The following LRRC25 variants were observed in gnomAD, a reference collection of about 807,000 sequenced individuals.
LRRC25 encodes leucine rich repeat containing 25, also known as leucine-rich repeat-containing protein 25.
A neutral mutation model predicts 18.8 loss-of-function variants in LRRC25; 5 were observed. That is an observed-to-expected ratio of 0.27 (90% confidence interval 0.14 to 0.56). The LOEUF is 0.56. LRRC25 is among the 20% of genes least tolerant of loss of function. LRRC25 has a pLI of 0.93. For synonymous variants in LRRC25, 161 were observed against 176.8 expected, an observed-to-expected ratio of 0.91 and a Z score of 0.71; for missense variants, 341 against 389.8, an observed-to-expected ratio of 0.87 and a Z score of 1.05.
Position 18,396,782 on chromosome 19 carries a change from C to T in LRRC25, c.182G>A (p.Ser61Asn). The T allele has an allele frequency of 6.2e-7, 1 of 1,614,164 alleles. No individual in the cohort carries two copies. The highest frequency in any genetic ancestry group is 8.5e-7 in the Non-Finnish European group (1 of 1,180,040). The part of the protein sequence containing the change: ...SLPHNQSLRA[S>N]NVILLDLSGN... ...AGACAGGTCAAGGAGAATCACGTTG[C>T]TGGCCCGCAGAGACTGGTTGTGAGG... Residue 61 changes from serine to asparagine, a missense_variant, in exon 1 of 2, where the codon AGC becomes AAC. Coordinates refer to ENST00000339007, the MANE Select transcript of LRRC25 (RefSeq NM_145256.3).
chr19:18,391,839 G>T lies in LRRC25; in HGVS notation c.*148C>A, dbSNP rs1971903306. The T allele has an allele frequency of 1.1e-6, 1 of 909,778 alleles. No individual in the cohort carries two copies. The allele number at this position is 909,778 out of a possible 1,614,324, so 56.4% of individuals were successfully genotyped here. A position where few individuals can be genotyped will look rare whatever the true frequency, so the allele number is the denominator to read the frequency against. On this transcript the variant is annotated 3_prime_UTR_variant, in exon 2 of 2. Transcript: ENST00000339007. ...GAGCGGCATGAGGGACAGGGAGGGGGCGGCAGAGCTTCCTGGGGCCTCAAG... is the reference window on the plus strand; with the variant it reads ...GAGCGGCATGAGGGACAGGGAGGGGTCGGCAGAGCTTCCTGGGGCCTCAAG...
chr19:18,396,093 T>C (rs1776464037), intron 1 of LRRC25, 92 bp downstream of exon 1: 2 of 1,463,824 alleles, frequency 1.4e-6, no homozygotes, highest in Non-Finnish European at 1.8e-6. Flanking sequence ...CCCACAGCCT[T>C]CAAGCGGCAG....
intron 1 of LRRC25, among the ~76,000 whole-genome samples, chr19:18,395,504 C>G (rs1239780500): frequency 6.6e-6 from 1 of 152,024 alleles, no homozygotes. Flanking sequence ...TCAGAGACAG[C>G]CTTGGGTCAC....
chr19:18,394,308 C>CT (rs34809770), intron 1 of LRRC25, among the ~76,000 whole-genome samples: 8,078 of 125,394 alleles, frequency 0.064, 631 homozygotes, highest in African/African-American at 0.2. Context: ...TTCTTTCTTT[C>CT]TTTTTTTTTT....
intron 1 of LRRC25, among the ~76,000 whole-genome samples, chr19:18,393,126 C>T (rs112839104): frequency 1.2e-4 from 19 of 152,242 alleles, no homozygotes; most frequent in East Asian, 1.9e-4. Context: ...GTGCTCCTTC[C>T]GATGGGAAAT....
At chr19:18,392,200 A>G in intron 1 of LRRC25, 75 bp from the exon 2 acceptor site, 5 of 1,517,476 alleles carry the variant, frequency 3.3e-6, no homozygotes. Context: ...GCTTTGAGAA[A>G]GTCCAGAGTG....
rs753862602 is a variant in LRRC25, at chr19:18,396,346, A to T, written c.618T>A (p.Ala206=). The T allele has an allele frequency of 1.2e-5, 20 of 1,613,762 alleles. No individual in the cohort carries two copies. Among genetic ancestry groups the T allele is most frequent in the Non-Finnish European group, 1.7e-5 (20 of 1,180,008 alleles). The change falls in exon 1 of 2, where the codon GCT becomes GCA. Residue 206 remains alanine, a synonymous_variant. Transcript: ENST00000339007. The part of the protein sequence containing the change: ...ARSRELNKPW[A]AQDGPKPGLG... ...AACCGGGCTTGGGCCCATCCTGAGC[A>T]GCCCAGGGTTTGTTCAGCTCCCGGC...
In LRRC25 at chr19:18,396,814, C is replaced by T; in HGVS notation, c.150G>A (p.Leu50=). ...ATCLNFSGLS[L]SLPHNQSLRA... The stretch of plus-strand genomic sequence containing the variant: ...GCAGAGACTGGTTGTGAGGCAGGCT[C>T]AGGCTGAGGCCACTGAAATTCAGGC... The change falls in exon 1 of 2, where the codon CTG becomes CTA. Residue 50 remains leucine (L), a synonymous_variant. Transcript: ENST00000339007. 6.2e-7 allele frequency: 1 copy of T among 1,614,086 alleles called. No homozygotes were observed. The highest frequency in any genetic ancestry group is 8.5e-7 in the Non-Finnish European group (1 of 1,180,038).
intron 1 of LRRC25, among the ~76,000 whole-genome samples, chr19:18,395,275 G>A (rs942566948): frequency 9.9e-5 from 15 of 151,750 alleles, no homozygotes; most frequent in Non-Finnish European, 2.1e-4. Context: ...GGAGGCTGAG[G>A]CAGGAGAATG....
chr19:18,391,907 G>C lies in LRRC25; in HGVS notation c.*80C>G. The stretch of plus-strand genomic sequence containing the variant: ...CCCATTCTTCAGATGGGGAAACTGA[G>C]GCCATGGAGGCGTTAGGACGCCCTG... On this transcript the variant is annotated 3_prime_UTR_variant, in exon 2 of 2. Transcript: ENST00000339007. 6.7e-7 allele frequency: 1 copy of C among 1,499,540 alleles called. No individual in the cohort carries two copies. The highest frequency in any genetic ancestry group is 9.1e-7 in the Non-Finnish European group (1 of 1,100,884). The allele number at this position is 1,499,540 out of a possible 1,614,324, so 92.9% of individuals were successfully genotyped here. A position where few individuals can be genotyped will look rare whatever the true frequency, so the allele number is the denominator to read the frequency against.
At chr19:18,394,846 G>A (rs1287968350) in intron 1 of LRRC25, among the ~76,000 whole-genome samples, 1 of 152,192 alleles carries the variant, frequency 6.6e-6, no homozygotes, top group Non-Finnish European at 1.5e-5. Flanking sequence ...GGGAGGCTAA[G>A]ACATGAGGAT....
chr19:18,396,604 C>T lies in LRRC25; in HGVS notation c.360G>A (p.Leu120=). 6.2e-7 allele frequency: 1 copy of T among 1,613,970 alleles called. No individual in the cohort carries two copies. Among genetic ancestry groups the T allele is most frequent in the South Asian group, 1.1e-5 (1 of 91,084 alleles). ...CTCGGCGGATGTCGTGCCAGGACTC[C>T]AGGGCACAGTTGCAGTCGGCCTGCA... ...LDLQADCNCA[L]ESWHDIRRDN... is the part of the protein sequence containing the mutation. Residue 120 remains leucine, a synonymous_variant, in exon 1 of 2, where the codon CTG becomes CTA. Coordinates refer to ENST00000339007, the MANE Select transcript of LRRC25 (RefSeq NM_145256.3).
chr19:18,397,622 CA>C (rs1568334208), upstream of LRRC25: 1 of 152,870 alleles, frequency 6.5e-6, no homozygotes, highest in African/African-American at 2.4e-5. Flanking sequence ...CCCAGCGACT[CA>C]GGGGGAAGAG....
chr19:18,396,972 C>T lies in LRRC25; in HGVS notation c.-9G>A, dbSNP rs1305390307. 6.2e-7 allele frequency: 1 copy of T among 1,600,512 alleles called. No homozygotes were observed. Among genetic ancestry groups the T allele is most frequent in the Non-Finnish European group, 8.5e-7 (1 of 1,174,316 alleles). ...GCCAGGGTGCCCCCCATTCAAGCAACCTACGTAGAGACACCGGAATCCTAG... is the reference window on the plus strand; with the variant it reads ...GCCAGGGTGCCCCCCATTCAAGCAATCTACGTAGAGACACCGGAATCCTAG... On this transcript the variant is annotated 5_prime_UTR_variant, in exon 1 of 2. Transcript: ENST00000339007.
chr19:18,391,539 A>AACAC lies in LRRC25; in HGVS notation c.*447_*448insGTGT, dbSNP rs1409778923. On this transcript the variant is annotated 3_prime_UTR_variant, in exon 2 of 2. Transcript: ENST00000339007. ...GGTGACAGAGTGACACTCAGTTTCAAAAACAAACAAACAAACAACAACAAC... is the reference window on the plus strand; with the variant it reads ...GGTGACAGAGTGACACTCAGTTTCAAACACAAACAAACAAACAAACAACAACAAC... The AACAC allele has an allele frequency of 6.3e-6, 1 of 158,666 alleles. No individual in the cohort carries two copies. Among genetic ancestry groups the AACAC allele is most frequent in the African/African-American group, 2.4e-5 (1 of 41,588 alleles). 9.8% of individuals were successfully genotyped at this position (158,666 alleles called of 1,614,324 possible). A position where few individuals can be genotyped will look rare whatever the true frequency, so the allele number is the denominator to read the frequency against.
chr19:18,392,184 A>G (rs1224214512), intron 1 of LRRC25, 59 bp from the exon 2 acceptor site: 120 of 1,574,522 alleles, frequency 7.6e-5, no homozygotes, highest in Non-Finnish European at 5.8e-5. Flanking sequence ...GGGGACAGGC[A>G]CATGAGCTTT....
intron 1 of LRRC25, among the ~76,000 whole-genome samples, chr19:18,393,290 C>T (rs984669588): frequency 1.3e-5 from 2 of 152,208 alleles, no homozygotes; most frequent in Non-Finnish European, 2.9e-5. Context: ...ATTTTCCTGC[C>T]TCCTGAACAT....
rs1243004702 is a variant in LRRC25, at chr19:18,396,656, G to A, written c.308C>T (p.Ala103Val). Residue 103 changes from alanine to valine, a missense_variant, in exon 1 of 2, where the codon GCG becomes GTG. By Grantham distance (64) the Ala-to-Val change is moderately conservative. Transcript: ENST00000339007. ...GTCAAGGTCACAGCGGGCGGCCAGC[G>A]CCCCATCCACACGAGACAAGGGGTT... is the stretch of plus-strand genomic sequence containing the variant. ...LRNPLSRVDG[A>V]LAARCDLDLQ... is the part of the protein sequence containing the mutation. 5 of 1,613,900 alleles carry A rather than the reference G, an allele frequency of 3.1e-6. No homozygotes were observed. Among genetic ancestry groups the A allele is most frequent in the Middle Eastern group, 1.6e-4 (1 of 6,084 alleles).
chr19:18,392,142 A>C lies in LRRC25; in HGVS notation c.780-17T>G. The C allele has an allele frequency of 6.2e-7, 1 of 1,611,528 alleles. No homozygotes were observed. The highest frequency in any genetic ancestry group is 2.2e-5 in the East Asian group (1 of 44,792). ...GGGTGAGCCCTGGGGGGACAGACAG[A>C]CCAGGGGTAAGTGTGGGAGGGGGAG... On this transcript the variant is annotated splice_polypyrimidine_tract_variant and intron_variant, in intron 1 of 1. Transcript: ENST00000339007.
Sources: allele counts gnomAD v4.1 joint callset (sites outside exome capture counted in the v4.1 genomes callset), GRCh38; gene constraint gnomAD v4.1.1; transcripts MANE v1.5; gene names NCBI Gene and HGNC (gene_info 2026-07-23, HGNC 2026-07-21).